RGS12: variants seen among roughly 807,000 people sequenced by gnomAD.
RGS12 encodes regulator of G protein signaling 12.
In RGS12, 66 loss-of-function variants were observed where a neutral mutation model predicts 120.1. That is an observed-to-expected ratio of 0.55 (90% CI 0.45 to 0.67). The LOEUF (loss-of-function observed/expected upper bound fraction) is 0.67, where lower values mean the gene tolerates loss of function less well. Ranked by LOEUF, RGS12 falls within the 30% of genes least tolerant of loss-of-function variation. RGS12 has a pLI of 0.00. For synonymous variants in RGS12, 827 were observed against 804.7 expected, an observed-to-expected ratio of 1.03 and a Z score of -0.47; for missense variants, 1,859 against 1,957.7, an observed-to-expected ratio of 0.95 and a Z score of 0.95.
intron 4 of RGS12, among the ~76,000 whole-genome samples, chr4:3,403,967 T>A (rs1208416070): frequency 6.6e-6 from 1 of 151,754 alleles, no homozygotes; most frequent in African/African-American, 2.4e-5. Flanking sequence ...GCTAAGGGAG[T>A]AAGGAGGGGG....
At chr4:3,404,733 C>G (rs753095518) in intron 4 of RGS12, among the ~76,000 whole-genome samples, 5 of 152,248 alleles carry the variant, frequency 3.3e-5, no homozygotes, top group Non-Finnish European at 7.3e-5. Flanking sequence ...TTTCCCAGCT[C>G]TGTCCACCAG....
At chr4:3,388,019 T>C (rs1038487693) in intron 4 of RGS12, among the ~76,000 whole-genome samples, 10 of 152,196 alleles carry the variant, frequency 6.6e-5, no homozygotes, top group Non-Finnish European at 1.3e-4. Context: ...TCTGAGGAAG[T>C]GTGTCCTGGC....
intron 1 of RGS12, among the ~76,000 whole-genome samples, chr4:3,297,307 C>T (rs945167163): frequency 6.6e-6 from 1 of 152,206 alleles, no homozygotes; most frequent in African/African-American, 2.4e-5. Flanking sequence ...TGGATTGAAG[C>T]GTCCAGTTGT....
Position 3,347,271 on chromosome 4 carries a change from C to T in RGS12, c.1998+4218C>T, listed in dbSNP as rs547811847. ...CATCCTGGCTAACGTGGTGAGACCC[C>T]GTCTCTACTAAAAATACAAAAAATT... On this transcript the variant is annotated intron_variant, in intron 3 of 17. Transcript: ENST00000336727. Among the ~76,000 whole-genome samples the T allele has an allele frequency of 2.0e-4, 31 of 152,136 alleles. 1 individual carries two copies. In the South Asian group the frequency reaches 5.8e-3, roughly 29 times the overall value.
chr4:3,433,656 T>G lies in RGS12; in HGVS notation c.4114+2701T>G, dbSNP rs1047824120. On this transcript the variant is annotated intron_variant, in intron 17 of 17. Transcript: ENST00000336727. This position sits in a 1 kb window ranked among gnomAD's most constrained non-coding sequence, Gnocchi z 4.4. The stretch of plus-strand genomic sequence containing the variant: ...CCCAGCACCACGTGCCATGCCACCC[T>G]GTTCCAGCCCCTGCGCCACGTGGTG... 1.3e-5 allele frequency among the ~76,000 whole-genome samples: 2 copies of G among 150,032 alleles called. No individual in the cohort carries two copies. The highest frequency in any genetic ancestry group is 5.0e-5 in the African/African-American group (2 of 40,372).
At chr4:3,386,115 GT>G in intron 3 of RGS12, 1 of 448,640 alleles carries the variant, frequency 2.2e-6, no homozygotes, top group South Asian at 3.2e-5. Flanking sequence ...TGCTACTGAA[GT>G]TTGTGAAGTT....
Position 3,365,215 on chromosome 4 carries a change from C to T in RGS12, c.1999-21201C>T, listed in dbSNP as rs1716176272. Among the ~76,000 whole-genome samples, 1 of 152,172 alleles carries T rather than the reference C, an allele frequency of 6.6e-6. No homozygotes were observed. Among genetic ancestry groups the T allele is most frequent in the Non-Finnish European group, 1.5e-5 (1 of 68,026 alleles). On this transcript the variant is annotated intron_variant, in intron 3 of 17. Transcript: ENST00000336727. This position sits in a 1 kb window ranked among gnomAD's most constrained non-coding sequence, Gnocchi z 4.0. ...CCGCAGTCCCCGGCCAGATCCACTG[C>T]CTGTTCTTGTAAATAGAGTCTCCCT...
intron 1 of RGS12, among the ~76,000 whole-genome samples, chr4:3,298,378 TCTCA>T (rs1723494312): frequency 6.6e-6 from 1 of 152,034 alleles, no homozygotes; most frequent in Non-Finnish European, 1.5e-5. Context: ...AGAGACGGAG[TCTCA>T]CTCTTTTGCC....
rs754231166 is a variant in RGS12, at chr4:3,417,023, G to T, written c.2538G>T (p.Gln846His). 1 of 1,613,324 alleles carries T rather than the reference G, an allele frequency of 6.2e-7. No individual in the cohort carries two copies. The highest frequency in any genetic ancestry group is 8.5e-7 in the Non-Finnish European group (1 of 1,179,788). The change falls in exon 8 of 18, where the codon CAG becomes CAT. Residue 846 changes from glutamine (Q) to histidine (H), a missense_variant. Physicochemically the swap from Gln to His is conservative, Grantham distance 24. Coordinates refer to ENST00000336727, the MANE Select transcript of RGS12 (RefSeq NM_001394154.1). ...GCCGTGCACTCCCGGACTCGCAGCA[G>T]GTCCCCAGCAGCCCGGCTTCCAAGC... is the stretch of plus-strand genomic sequence containing the variant. Reference protein sequence around the residue: ...VEGRALPDSQQVPSSPASKHS... With the variant: ...VEGRALPDSQHVPSSPASKHS...
At chr4:3,355,156 AACTT>A (rs1382222892) in intron 3 of RGS12, among the ~76,000 whole-genome samples, 2 of 152,238 alleles carry the variant, frequency 1.3e-5, no homozygotes, top group Non-Finnish European at 2.9e-5. Flanking sequence ...GAATCAATTT[AACTT>A]ACTATTTTAA....
intron 3 of RGS12, among the ~76,000 whole-genome samples, chr4:3,371,432 A>G (rs1274253494): frequency 6.6e-6 from 1 of 152,196 alleles, no homozygotes; most frequent in Non-Finnish European, 1.5e-5. Context: ...CAGCACTTTC[A>G]TCTCAGTGTA....
In RGS12 at chr4:3,420,714, A is replaced by T. The variant is rs1722925391; in HGVS notation, c.2834A>T (p.Asp945Val). The T allele has an allele frequency of 5.6e-6, 9 of 1,611,884 alleles. No individual in the cohort carries two copies. Among genetic ancestry groups the T allele is most frequent in the Non-Finnish European group, 7.6e-6 (9 of 1,179,882 alleles). Residue 945 changes from aspartate to valine, a missense_variant, in exon 10 of 18, where the codon GAC becomes GTC. Coordinates refer to ENST00000336727, the MANE Select transcript of RGS12 (RefSeq NM_001394154.1). ...QGSVSSAGSL[D>V]LSEACRTLAP... is the part of the protein sequence containing the mutation. Reference sequence around the variant, plus strand: ...TCTGTGTCCTCTGCGGGGAGCCTGGACCTGGTGAGTCACTGTCTCCCCTCG... The same window carrying T: ...TCTGTGTCCTCTGCGGGGAGCCTGGTCCTGGTGAGTCACTGTCTCCCCTCG...
intron 1 of RGS12, among the ~76,000 whole-genome samples, chr4:3,299,978 G>A (rs564515185): frequency 6.6e-6 from 1 of 152,302 alleles, no homozygotes; most frequent in African/African-American, 2.4e-5. Flanking sequence ...GCTGTTCCGC[G>A]GTCTTCACCT....
chr4:3,438,521 C>T (rs965221446), intron 17 of RGS12, among the ~76,000 whole-genome samples: 9 of 152,064 alleles, frequency 5.9e-5, no homozygotes, highest in Non-Finnish European at 7.4e-5. Flanking sequence ...GAGCTCCGGG[C>T]GGCACATGAA....
At chr4:3,312,960 AT>A (rs1724501666) in intron 1 of RGS12, 1 of 152,466 alleles carries the variant, frequency 6.6e-6, no homozygotes, top group South Asian at 2.1e-4. Flanking sequence ...TGTGCTTGGT[AT>A]GGCTTGAGCC....
In RGS12 at chr4:3,380,942, T is replaced by A. The variant is rs1718195519; in HGVS notation, c.1999-5474T>A. 2.0e-5 allele frequency among the ~76,000 whole-genome samples: 3 copies of A among 152,224 alleles called. No homozygotes were observed. In the South Asian group the frequency reaches 6.2e-4, roughly 32 times the overall value. ...CAAATTTATGCAGCAGGCTTGAATT[T>A]CTCCCCAGAAAATTTTTTCTTCTTT... is the stretch of plus-strand genomic sequence containing the variant. On this transcript the variant is annotated intron_variant, in intron 3 of 17. Transcript: ENST00000336727.
At chr4:3,420,138 C>T (rs1363255893) in intron 9 of RGS12, among the ~76,000 whole-genome samples, 1 of 152,166 alleles carries the variant, frequency 6.6e-6, no homozygotes, top group Admixed American at 6.5e-5. Flanking sequence ...CATGTCAGGA[C>T]GTCAGAGGAA....
Position 3,329,245 on chromosome 4 carries a change from G to T in RGS12, c.1881+11194G>T, listed in dbSNP as rs115704960. Among the ~76,000 whole-genome samples, 152 of 152,252 alleles carry T rather than the reference G, an allele frequency of 1.0e-3. 1 individual carries two copies. The highest frequency in any genetic ancestry group is 3.5e-3 in the African/African-American group (146 of 41,526). Reference sequence around the variant, plus strand: ...TTTGAGTTCCATGGTGGCCCCGATGGAAGCTGCCCTCATGTTTGGGACCCA... The same window carrying T: ...TTTGAGTTCCATGGTGGCCCCGATGTAAGCTGCCCTCATGTTTGGGACCCA... On this transcript the variant is annotated intron_variant, in intron 2 of 17. Transcript: ENST00000336727.
rs1722078189 is a variant in RGS12, at chr4:3,414,234, A to G, written c.2183A>G (p.Tyr728Cys). Residue 728 changes from tyrosine to cysteine, a missense_variant, in exon 5 of 18, where the codon TAC becomes TGC. Tyr to Cys is a radical substitution (Grantham distance 194). Coordinates refer to ENST00000336727, the MANE Select transcript of RGS12 (RefSeq NM_001394154.1). ...CTGCAGGACCCCGTCGGTGTCCGCTACTTCTCTGTGAGTAGGGAAGGGCCC... is the reference window on the plus strand; with the variant it reads ...CTGCAGGACCCCGTCGGTGTCCGCTGCTTCTCTGTGAGTAGGGAAGGGCCC... ...RLLQDPVGVR[Y>C]FSDFLRKEFS... 1.3e-6 allele frequency: 2 copies of G among 1,539,356 alleles called. No individual in the cohort carries two copies. The highest frequency in any genetic ancestry group is 1.7e-6 in the Non-Finnish European group (2 of 1,145,378).
Sources: allele counts gnomAD v4.1 joint callset (sites outside exome capture counted in the v4.1 genomes callset), GRCh38; gene constraint gnomAD v4.1.1; non-coding constraint Gnocchi (gnomAD v3.1); transcripts MANE v1.5; gene names NCBI Gene and HGNC (gene_info 2026-07-23, HGNC 2026-07-21).